SCRIB: variants seen among roughly 807,000 people sequenced by gnomAD.
SCRIB encodes the protein scribble planar cell polarity protein, also known as protein scribble homolog.
A neutral mutation model predicts 170.0 loss-of-function variants in SCRIB; 72 were observed. The ratio of observed to expected loss-of-function variants is 0.42; its 90% CI spans 0.35 to 0.52. SCRIB has a LOEUF of 0.52. Ranked by LOEUF, SCRIB falls within the 20% of genes least tolerant of loss-of-function variation. The pLI is 0.02. For synonymous variants in SCRIB, 1,298 were observed against 1,044.3 expected (o/e 1.24, Z -4.68); for missense variants, 2,475 against 2,338.5 (o/e 1.06, Z -1.20).
intron 9 of SCRIB, among the ~76,000 whole-genome samples, chr8:143,811,938 G>A (rs1290841041): frequency 6.6e-6 from 1 of 152,172 alleles, no homozygotes; most frequent in African/African-American, 2.4e-5. Flanking sequence ...CCCCTGGGGA[G>A]CAGCCTGCTC....
At chr8:143,806,280 G>A in intron 18 of SCRIB, 127 bp downstream of exon 18, 4 of 724,702 alleles carry the variant, frequency 5.5e-6, no homozygotes, top group Non-Finnish European at 9.5e-6. Flanking sequence ...TCACCCGGAA[G>A]TCTGGGTGTC....
In SCRIB at chr8:143,804,100, G is replaced by T; in HGVS notation, c.3066C>A (p.Ser1022=). The change falls in exon 22 of 37, where the codon TCC becomes TCA. Residue 1022 remains serine (S), a synonymous_variant. Coordinates refer to ENST00000356994, the MANE Select transcript of SCRIB (RefSeq NM_182706.5). ...GPLGLSIVGG[S]DHSSHPFGVQ... ...CACCAAACGGGTGGCTGGAATGGTC[G>T]GAGCCTCCGACAATACTAAGCCCCA... 4.3e-6 allele frequency: 7 copies of T among 1,612,878 alleles called. No homozygotes were observed. The highest frequency in any genetic ancestry group is 1.7e-4 in the Middle Eastern group (1 of 6,060).
rs1463949629 is a variant in SCRIB, at chr8:143,803,958, G to A, written c.3121-18C>T. 1.9e-6 allele frequency: 3 copies of A among 1,572,362 alleles called. No homozygotes were observed. Among genetic ancestry groups the A allele is most frequent in the African/African-American group, 1.3e-5 (1 of 74,130 alleles). On this transcript the variant is annotated intron_variant, in intron 22 of 36. Transcript: ENST00000356994. ...GGGAGCACCTGTCAGGGAGGAGGGT[G>A]GCAGCTGGTGGCTGAGGCCGCGCTG...
chr8:143,815,196 G>T lies in SCRIB; in HGVS notation c.159+18C>A. ...CTGGGGGCGCGCCTTTGGGCGGCAGGTGCGGGCGGCCGCTCACCTTGGGCA... is the reference window on the plus strand; with the variant it reads ...CTGGGGGCGCGCCTTTGGGCGGCAGTTGCGGGCGGCCGCTCACCTTGGGCA... On this transcript the variant is annotated intron_variant, in intron 1 of 36. Coordinates refer to ENST00000356994, the MANE Select transcript of SCRIB (RefSeq NM_182706.5). 6.4e-7 allele frequency: 1 copy of T among 1,554,298 alleles called. No individual in the cohort carries two copies. The highest frequency in any genetic ancestry group is 8.6e-7 in the Non-Finnish European group (1 of 1,157,270).
rs1586532157 is a variant in SCRIB, at chr8:143,813,143, A to G, written c.568-39T>C. 3.8e-6 allele frequency: 6 copies of G among 1,572,834 alleles called. No individual in the cohort carries two copies. The African/African-American group carries it at 8.1e-5, about 21-fold the overall frequency. ...CAGAGAAAATAGTGACTATGAGGCAAAGCCTCCTGCTGCGCCGTGCTCAAG... is the reference window on the plus strand; with the variant it reads ...CAGAGAAAATAGTGACTATGAGGCAGAGCCTCCTGCTGCGCCGTGCTCAAG... On this transcript the variant is annotated intron_variant, in intron 6 of 36. Coordinates refer to ENST00000356994, the MANE Select transcript of SCRIB (RefSeq NM_182706.5).
chr8:143,806,745 C>CCCAG (rs1815442501), intron 17 of SCRIB, among the ~76,000 whole-genome samples, 179 bp downstream of exon 17: 1 of 152,184 alleles, frequency 6.6e-6, no homozygotes, highest in African/African-American at 2.4e-5. Flanking sequence ...GGAAGACAGA[C>CCCAG]CCAGGCACCC....
intron 14 of SCRIB, 31 bp downstream of exon 14, chr8:143,809,520 A>AGCCTCCT (rs749666585): frequency 6.3e-7 from 1 of 1,593,004 alleles, no homozygotes; most frequent in Non-Finnish European, 8.6e-7. Context: ...CAGCAGGCCC[A>AGCCTCCT]GCCTCCTGCC....
Position 143,805,248 on chromosome 8 carries a change from C to T in SCRIB, c.2534G>A (p.Arg845His). Residue 845 changes from arginine to histidine, a missense_variant, in exon 19 of 37, where the codon CGC becomes CAC. Transcript: ENST00000356994. ...SPRERRGGGL[R>H]LPLLPPESPG... ...GCTCTCAGGCGGGAGCAGGGGCAGG[C>T]GCAGCCCCCCTCCCCGCCGCTCTCG... is the stretch of plus-strand genomic sequence containing the variant. The T allele has an allele frequency of 4.6e-6, 7 of 1,533,526 alleles. No homozygotes were observed. The highest frequency in any genetic ancestry group is 1.2e-5 in the South Asian group (1 of 83,470). The allele number at this position is 1,533,526 out of a possible 1,614,324, so 95.0% of individuals were successfully genotyped here. A position where few individuals can be genotyped will look rare whatever the true frequency, so the allele number is the denominator to read the frequency against.
rs1157523555 is a variant in SCRIB, at chr8:143,804,924, C to A, written c.2751+10G>T. On this transcript the variant is annotated intron_variant, in intron 20 of 36. Coordinates refer to ENST00000356994, the MANE Select transcript of SCRIB (RefSeq NM_182706.5). Reference sequence around the variant, plus strand: ...ATGGGTGGGTGGGGCGGGGCCCCATCCCCACTCACAGAGAGGACGCGGTCG... The same window carrying A: ...ATGGGTGGGTGGGGCGGGGCCCCATACCCACTCACAGAGAGGACGCGGTCG... The A allele has an allele frequency of 6.5e-7, 1 of 1,544,308 alleles. No individual in the cohort carries two copies. The highest frequency in any genetic ancestry group is 8.7e-7 in the Non-Finnish European group (1 of 1,151,096).
chr8:143,805,647 G>A (rs1049351612), intron 18 of SCRIB, among the ~76,000 whole-genome samples: 2 of 152,176 alleles, frequency 1.3e-5, no homozygotes, highest in African/African-American at 4.8e-5. Flanking sequence ...AACCCGGTGT[G>A]GGAAGCCCTA....
Position 143,795,414 on chromosome 8 carries a change from T to C in SCRIB, c.3714+6A>G. The C allele has an allele frequency of 6.2e-7, 1 of 1,612,722 alleles. No individual in the cohort carries two copies. Among genetic ancestry groups the C allele is most frequent in the Non-Finnish European group, 8.5e-7 (1 of 1,179,564 alleles). On this transcript the variant is annotated splice_donor_region_variant and intron_variant, in intron 25 of 36. Transcript: ENST00000356994. ...CCTGGGGCTGCCGGCTGCAGGCACC[T>C]CTGACCTTGCCTGGGCCCTCAGGGC... is the stretch of plus-strand genomic sequence containing the variant.
rs1587502492 is a variant in SCRIB at position 143,791,691 on chromosome 8, G to A, written c.4745C>T (p.Ser1582Phe). The A allele has an allele frequency of 6.2e-7, 1 of 1,605,186 alleles. No homozygotes were observed. The highest frequency in any genetic ancestry group is 1.7e-5 in the Admixed American group (1 of 59,790). ...CTGGATGTCATAGACAGGTCTGGAA[G>A]AAGGCAGGGCCGCAAAGGCCCTGTA... ...FDYRAFAALP[S>F]SRPVYDIQSP... is the part of the protein sequence containing the mutation. The change falls in exon 35 of 37, where the codon TCT becomes TTT. Residue 1582 changes from serine (S) to phenylalanine (F), a missense_variant. Ser to Phe is a radical substitution (Grantham distance 155, BLOSUM62 -2). Transcript: ENST00000356994.
intron 27 of SCRIB, 48 bp from the exon 28 acceptor site, chr8:143,794,010 C>T: frequency 6.3e-7 from 1 of 1,585,696 alleles, no homozygotes; most frequent in South Asian, 1.1e-5. Context: ...GGGCTGTGGC[C>T]CCCGACCAGG....
In SCRIB at chr8:143,803,479, C is replaced by T. The variant is rs578020690; in HGVS notation, c.3507G>A (p.Thr1169=). 5.0e-5 allele frequency: 80 copies of T among 1,600,524 alleles called. 1 individual carries two copies. In the South Asian group the frequency reaches 5.1e-4, roughly 10 times the overall value. The stretch of plus-strand genomic sequence containing the variant: ...GGAGCAGCTGCACCGCCTCGCCGTG[C>T]GTCAGGCCCAGCAGGCTCTGCTGGT... ...EVNQQSLLGL[T]HGEAVQLLRS... is the part of the protein sequence containing the mutation. Residue 1169 remains threonine (T), a synonymous_variant, in exon 24 of 37, where the codon ACG becomes ACA. Coordinates refer to ENST00000356994, the MANE Select transcript of SCRIB (RefSeq NM_182706.5).
rs772753413 is a variant in SCRIB, at chr8:143,810,506, G to C, written c.1503C>G (p.Asp501Glu). The C allele has an allele frequency of 3.1e-6, 5 of 1,611,500 alleles. No homozygotes were observed. In the African/African-American group the frequency reaches 6.7e-5, roughly 22 times the overall value. ...CCTCTGCAGGCAAGGGCGACCCAGA[G>C]TCTGGCTGGCAAGGGCAGGCCTCGC... ...RRSEACPCQP[D>E]SGSPLPAEEE... Residue 501 changes from aspartate to glutamate, a missense_variant, in exon 13 of 37, where the codon GAC becomes GAG. Around this residue, in one of 3 missense-constraint regions of SCRIB, gnomAD observed 1,966 missense variants for 1,742.9 expected, o/e 1.13. Coordinates refer to ENST00000356994, the MANE Select transcript of SCRIB (RefSeq NM_182706.5).
intron 36 of SCRIB, 38 bp from the exon 37 acceptor site, chr8:143,791,346 A>G: frequency 1.3e-6 from 2 of 1,596,092 alleles, no homozygotes; most frequent in South Asian, 2.3e-5. Flanking sequence ...AGCTGAGGGC[A>G]GCTGGGCTCC....
Position 143,815,265 on chromosome 8 carries a change from G to A in SCRIB, c.108C>T (p.Arg36=), listed in dbSNP as rs990762021. The change falls in exon 1 of 37, where the codon CGC becomes CGT. Residue 36 remains arginine (R), a synonymous_variant. Transcript: ENST00000356994. ...CGTCGAGCAGCAGCTCCTCCAGGCT[G>A]CGGCTGTAGCGGTAGATCTCCTCCG... ...AVPEEIYRYS[R]SLEELLLDAN... The A allele has an allele frequency of 3.1e-6, 5 of 1,596,606 alleles. No homozygotes were observed. The highest frequency in any genetic ancestry group is 1.4e-5 in the African/African-American group (1 of 73,044).
At chr8:143,813,146 C>T (rs1040954484) in intron 6 of SCRIB, 42 bp from the exon 7 acceptor site, 12 of 1,574,840 alleles carry the variant, frequency 7.6e-6, no homozygotes, top group Non-Finnish European at 9.5e-6. Context: ...TGAGGCAAAG[C>T]CTCCTGCTGC....
intron 27 of SCRIB, among the ~76,000 whole-genome samples, chr8:143,794,837 C>T (rs952429753): frequency 6.6e-6 from 1 of 152,138 alleles, no homozygotes; most frequent in Non-Finnish European, 1.5e-5. Context: ...GTGGGTGGGG[C>T]AGCACCAACA....
Sources: allele counts gnomAD v4.1 joint callset (sites outside exome capture counted in the v4.1 genomes callset), GRCh38; gene constraint gnomAD v4.1.1; regional missense constraint gnomAD v4.1.1; transcripts MANE v1.5; gene names NCBI Gene and HGNC (gene_info 2026-07-23, HGNC 2026-07-21).